The following PDZRN3 variants were observed in gnomAD, a reference collection of about 807,000 sequenced individuals.
The protein encoded by PDZRN3 is PDZ domain containing ring finger 3, also known as E3 ubiquitin-protein ligase PDZRN3.
Under a neutral mutation model 85.7 loss-of-function variants are expected in PDZRN3, and 38 were observed. The observed-to-expected ratio is 0.44, with a 90% CI of 0.34 to 0.58. PDZRN3 has a LOEUF of 0.58. Ranked by LOEUF, PDZRN3 falls within the 20% of genes least tolerant of loss-of-function variation. The pLI is 0.01. For missense variants in PDZRN3, 1,629 were observed against 1,506.4 expected (o/e 1.08, Z -1.35); for synonymous variants, 759 against 638.0 (o/e 1.19, Z -2.86).
chr3:73,478,921 G>A (rs1038311259), intron 3 of PDZRN3, among the ~76,000 whole-genome samples: 14 of 152,176 alleles, frequency 9.2e-5, no homozygotes, highest in Non-Finnish European at 1.8e-4. Flanking sequence ...CTTACAGAAT[G>A]GATTAATCAG....
chr3:73,538,054 T>G (rs1050925716), intron 3 of PDZRN3, among the ~76,000 whole-genome samples: 2 of 152,178 alleles, frequency 1.3e-5, no homozygotes, highest in African/African-American at 4.8e-5. Flanking sequence ...TTGTCACATC[T>G]TGAGTGAGCA....
chr3:73,562,392 C>T (rs965509138), intron 3 of PDZRN3, among the ~76,000 whole-genome samples: 3 of 152,090 alleles, frequency 2.0e-5, no homozygotes, highest in African/African-American at 4.8e-5. Context: ...ACCTGAGAAA[C>T]CCCTGGCATT....
intron 3 of PDZRN3, among the ~76,000 whole-genome samples, chr3:73,531,653 G>A (rs1006002900): frequency 1.3e-5 from 2 of 152,142 alleles, no homozygotes; most frequent in African/African-American, 2.4e-5. Context: ...GGTGTATAAG[G>A]GACTGCCTTC....
At chr3:73,576,626 C>T (rs1702127783) in intron 3 of PDZRN3, among the ~76,000 whole-genome samples, 1 of 152,150 alleles carries the variant, frequency 6.6e-6, no homozygotes, top group Non-Finnish European at 1.5e-5. Flanking sequence ...CAAGCATCAC[C>T]ACCAAACACA....
intron 3 of PDZRN3, among the ~76,000 whole-genome samples, chr3:73,481,910 G>A (rs978265330): frequency 6.6e-6 from 1 of 152,026 alleles, no homozygotes; most frequent in Non-Finnish European, 1.5e-5. Context: ...CCATCCCTTC[G>A]CACCCCCACA....
At chr3:73,571,538 T>TAA (rs1465585310) in intron 3 of PDZRN3, among the ~76,000 whole-genome samples, 1 of 152,060 alleles carries the variant, frequency 6.6e-6, no homozygotes, top group Non-Finnish European at 1.5e-5. Context: ...AAAGCAAGGG[T>TAA]AAAATCCTTA....
chr3:73,580,629 C>G (rs1702187162), intron 3 of PDZRN3, among the ~76,000 whole-genome samples: 1 of 152,216 alleles, frequency 6.6e-6, no homozygotes, highest in Admixed American at 6.5e-5. Flanking sequence ...GCACTGGCCT[C>G]CATCCAAATG....
intron 1 of PDZRN3, among the ~76,000 whole-genome samples, chr3:73,617,669 AT>A (rs1702784562): frequency 6.6e-6 from 1 of 152,190 alleles, no homozygotes; most frequent in South Asian, 2.1e-4. Context: ...AGCTGTTCTC[AT>A]ATTCCATCCA....
chr3:73,524,387 A>G (rs929431534), intron 3 of PDZRN3, among the ~76,000 whole-genome samples: 4 of 152,240 alleles, frequency 2.6e-5, no homozygotes, highest in African/African-American at 2.4e-5. Context: ...TATCAAGGCA[A>G]TCACAGGGAG....
chr3:73,541,053 T>C (rs1575722370), intron 3 of PDZRN3, among the ~76,000 whole-genome samples: 1 of 152,224 alleles, frequency 6.6e-6, no homozygotes, highest in East Asian at 1.9e-4. Context: ...TCCTGGGAAC[T>C]TGTGGAAAAC....
intron 5 of PDZRN3, among the ~76,000 whole-genome samples, chr3:73,396,043 C>T (rs570221596): frequency 6.6e-6 from 1 of 152,022 alleles, no homozygotes; most frequent in African/African-American, 2.4e-5. Flanking sequence ...GCCGACAAGG[C>T]GAAACCCTGT....
Position 73,397,038 on chromosome 3 carries a change from C to CTT in PDZRN3, c.1254+3882_1254+3883dup, listed in dbSNP as rs199940941. 1.6e-3 allele frequency among the ~76,000 whole-genome samples: 237 copies of CTT among 143,898 alleles called. 6 individuals carry two copies. In the East Asian group the frequency reaches 0.032, roughly 19 times the overall value. 94.4% of individuals were successfully genotyped at this position (143,898 alleles called of 152,430 possible). ...TTTTATTTCTTTCTTCTTTTTCTTT[C>CTT]TTTTTTTTTTTTTGAGACAGAGTCT... On this transcript the variant is annotated intron_variant, in intron 5 of 9. Transcript: ENST00000263666.
At chr3:73,533,885 T>G (rs999859355) in intron 3 of PDZRN3, among the ~76,000 whole-genome samples, 4 of 152,148 alleles carry the variant, frequency 2.6e-5, no homozygotes, top group Non-Finnish European at 5.9e-5. Flanking sequence ...CTATACCAAA[T>G]AGCACATCTG....
At chr3:73,460,762 T>C (rs7651823) in intron 3 of PDZRN3, among the ~76,000 whole-genome samples, 89,724 of 152,044 alleles carry the variant, frequency 0.59, 26,687 homozygotes, top group East Asian at 0.79. Context: ...GCCTTTTCTA[T>C]GATGAGGCAG....
chr3:73,499,139 T>C (rs973501193), intron 3 of PDZRN3, among the ~76,000 whole-genome samples: 1 of 152,200 alleles, frequency 6.6e-6, no homozygotes, highest in Admixed American at 6.5e-5. Context: ...CTGAGTGTCC[T>C]GGATCCCTTA....
chr3:73,448,272 A>G (rs1575661031), intron 3 of PDZRN3, among the ~76,000 whole-genome samples: 1 of 152,194 alleles, frequency 6.6e-6, no homozygotes, highest in African/African-American at 2.4e-5. Context: ...ACCACCTACG[A>G]TTGTTGTGAA....
At chr3:73,609,063 G>GCAGC (rs1247311867) in intron 1 of PDZRN3, among the ~76,000 whole-genome samples, 2 of 152,100 alleles carry the variant, frequency 1.3e-5, no homozygotes, top group Non-Finnish European at 2.9e-5. Flanking sequence ...ATTCTCAACA[G>GCAGC]CAGCATTCAT....
chr3:73,546,421 C>G (rs1426203948), intron 3 of PDZRN3, among the ~76,000 whole-genome samples: 1 of 152,228 alleles, frequency 6.6e-6, no homozygotes, highest in African/African-American at 2.4e-5. Flanking sequence ...TTGGGATGGA[C>G]TCACAGCTGT....
intron 3 of PDZRN3, among the ~76,000 whole-genome samples, chr3:73,452,587 G>A (rs1311516614): frequency 6.6e-6 from 1 of 152,144 alleles, no homozygotes; most frequent in Non-Finnish European, 1.5e-5. Context: ...CAGGCTTCCA[G>A]GATCATCTCA....
Sources: gnomAD v4.1 joint callset for allele counts (sites outside exome capture counted in the v4.1 genomes callset) on GRCh38, gnomAD v4.1.1 for gene constraint, MANE v1.5 for transcripts, NCBI Gene and HGNC (gene_info 2026-07-23, HGNC 2026-07-21) for gene names.